The following IQCJ variants were observed in gnomAD, a reference collection of about 807,000 sequenced individuals.
IQCJ encodes the protein IQ motif containing J, also known as IQ domain-containing protein J.
IQCJ carries 9 observed loss-of-function variants against 11.0 expected under a neutral mutation model. That is an observed-to-expected ratio of 0.82 (90% confidence interval 0.49 to 1.43). The LOEUF (loss-of-function observed/expected upper bound fraction) is 1.43. Among genes scored for constraint, IQCJ ranks in the 40% most tolerant of loss-of-function variants. IQCJ has a pLI of 0.00. For synonymous variants in IQCJ, 55 were observed against 51.3 expected, an observed-to-expected ratio of 1.07 and a Z score of -0.31; for missense variants, 146 against 133.2, an observed-to-expected ratio of 1.10 and a Z score of -0.47.
At chr3:159,071,364 A>G (rs761486910) in intron 1 of IQCJ, among the ~76,000 whole-genome samples, 2 of 151,966 alleles carry the variant, frequency 1.3e-5, no homozygotes, top group Non-Finnish European at 2.9e-5. Context: ...ATTCATTTCC[A>G]ATGTTGTAAA....
chr3:159,185,781 C>T (rs1021800137), intron 1 of IQCJ, among the ~76,000 whole-genome samples: 12 of 152,176 alleles, frequency 7.9e-5, no homozygotes, highest in Admixed American at 2.0e-4. Context: ...CTCCATGAAG[C>T]TGCTTGATTG....
At chr3:159,109,345 C>G (rs1718467155) in intron 1 of IQCJ, among the ~76,000 whole-genome samples, 1 of 152,230 alleles carries the variant, frequency 6.6e-6, no homozygotes, top group East Asian at 1.9e-4. Context: ...GAAATGATCA[C>G]ACAGCCCACA....
At chr3:159,252,547 AT>A (rs536180323) in intron 2 of IQCJ, among the ~76,000 whole-genome samples, 179 bp from the exon 3 acceptor site, 1,591 of 149,898 alleles carry the variant, frequency 0.011, 15 homozygotes, top group African/African-American at 0.014. Flanking sequence ...TCAAAGCCAC[AT>A]TTTTTTTTTC....
chr3:159,211,700 CTT>C (rs2108092895), intron 1 of IQCJ, among the ~76,000 whole-genome samples: 1 of 152,266 alleles, frequency 6.6e-6, no homozygotes, highest in South Asian at 2.1e-4. Context: ...AGGTGCAACT[CTT>C]TTCATTGGTT....
chr3:159,181,590 A>G (rs1260541287), intron 1 of IQCJ, among the ~76,000 whole-genome samples: 1 of 151,176 alleles, frequency 6.6e-6, no homozygotes, highest in East Asian at 2.0e-4. Flanking sequence ...CATCATTGCC[A>G]TCTCCTTCTC....
intron 1 of IQCJ, among the ~76,000 whole-genome samples, chr3:159,089,888 AT>A (rs1383410940): frequency 6.6e-6 from 1 of 151,660 alleles, no homozygotes; most frequent in East Asian, 1.9e-4. Context: ...GCTCAGAGTA[AT>A]TTGATCATCT....
At chr3:159,124,413 C>T (rs1321057906) in intron 1 of IQCJ, among the ~76,000 whole-genome samples, 1 of 152,152 alleles carries the variant, frequency 6.6e-6, no homozygotes, top group Non-Finnish European at 1.5e-5. Flanking sequence ...GCTCAGATCA[C>T]TCTCCTCCTC....
intron 1 of IQCJ, among the ~76,000 whole-genome samples, chr3:159,201,674 G>T (rs1011619501): frequency 8.4e-6 from 1 of 118,682 alleles, no homozygotes; most frequent in African/African-American, 3.3e-5. Context: ...TCGCTCTGTC[G>T]CCCAGGCTGG....
chr3:159,124,773 T>C (rs79967382), intron 1 of IQCJ, among the ~76,000 whole-genome samples: 4,594 of 152,262 alleles, frequency 0.03, 311 homozygotes, highest in East Asian at 0.25. Context: ...CAAAACATGT[T>C]TGTTGAATGA....
chr3:159,143,339 A>C (rs947262027), intron 1 of IQCJ, among the ~76,000 whole-genome samples: 1 of 152,198 alleles, frequency 6.6e-6, no homozygotes, highest in African/African-American at 2.4e-5. Context: ...GGTTCTTTCT[A>C]TTCTTGAAGA....
At chr3:159,174,716 T>C (rs565984297) in intron 1 of IQCJ, among the ~76,000 whole-genome samples, 1 of 152,342 alleles carries the variant, frequency 6.6e-6, no homozygotes, top group South Asian at 2.1e-4. Flanking sequence ...TTTGTACACA[T>C]ATATTACACA....
At chr3:159,096,074 A>T (rs12152462) in intron 1 of IQCJ, among the ~76,000 whole-genome samples, 1 of 95,250 alleles carries the variant, frequency 1.0e-5, no homozygotes, top group Non-Finnish European at 2.1e-5. Context: ...GTGTGAGATG[A>T]TATCTCACAG....
intron 1 of IQCJ, among the ~76,000 whole-genome samples, chr3:159,110,582 C>T (rs1718563926): frequency 6.6e-6 from 1 of 152,186 alleles, no homozygotes; most frequent in Non-Finnish European, 1.5e-5. Flanking sequence ...CTTACACGCC[C>T]TGCCATGATA....
At chr3:159,232,283 C>A (rs1726301749) in intron 1 of IQCJ, among the ~76,000 whole-genome samples, 1 of 152,008 alleles carries the variant, frequency 6.6e-6, no homozygotes, top group South Asian at 2.1e-4. Context: ...ATAAATTTCC[C>A]TCTTAACACT....
chr3:159,069,352 C>T lies in IQCJ; in HGVS notation c.-81C>T, dbSNP rs1715377093. The T allele has an allele frequency of 1.0e-5, 16 of 1,544,028 alleles. No individual in the cohort carries two copies. The highest frequency in any genetic ancestry group is 1.3e-5 in the Non-Finnish European group (15 of 1,145,494). ...CTCACATTCCCCCACAGTCACATTG[C>T]GCTCTGTGATTCTGAGGAATACAGT... On this transcript the variant is annotated 5_prime_UTR_variant, in exon 1 of 4. Transcript: ENST00000397832.
intron 1 of IQCJ, among the ~76,000 whole-genome samples, chr3:159,182,557 C>T (rs1021531766): frequency 4.6e-5 from 7 of 152,008 alleles, no homozygotes; most frequent in African/African-American, 1.7e-4. Context: ...CCGAGCTCCC[C>T]GAGTGAGCAA....
intron 1 of IQCJ, among the ~76,000 whole-genome samples, chr3:159,234,539 C>G (rs1726461285): frequency 6.6e-6 from 1 of 152,164 alleles, no homozygotes; most frequent in Non-Finnish European, 1.5e-5. Flanking sequence ...CACGGTGATT[C>G]ATGCCTGTAA....
chr3:159,089,847 T>G (rs1234690629), intron 1 of IQCJ, among the ~76,000 whole-genome samples: 2 of 151,744 alleles, frequency 1.3e-5, no homozygotes, highest in African/African-American at 4.9e-5. Flanking sequence ...GTTTTCAACT[T>G]CTTTGCCTTT....
chr3:159,213,110 C>T (rs1725040940), intron 1 of IQCJ, among the ~76,000 whole-genome samples: 1 of 152,178 alleles, frequency 6.6e-6, no homozygotes, highest in African/African-American at 2.4e-5. Flanking sequence ...AAGGGGATGC[C>T]TGCTCCAGTA....
Sources: gnomAD v4.1 joint callset for allele counts (sites outside exome capture counted in the v4.1 genomes callset) on GRCh38, gnomAD v4.1.1 for gene constraint, MANE v1.5 for transcripts, NCBI Gene and HGNC (gene_info 2026-07-23, HGNC 2026-07-21) for gene names.